NTN4: variants seen among roughly 807,000 people sequenced by gnomAD.
NTN4 encodes the protein netrin-4.
Under a neutral mutation model 73.6 loss-of-function variants are expected in NTN4, and 32 were observed. The ratio of observed to expected loss-of-function variants is 0.44; its 90% CI spans 0.33 to 0.58. The LOEUF (loss-of-function observed/expected upper bound fraction) is 0.58, where lower values mean the gene tolerates loss of function less well. NTN4 is among the 20% of genes least tolerant of loss of function. The pLI, the probability that NTN4 is intolerant of heterozygous loss-of-function variation, is 0.04. For synonymous variants in NTN4, 258 were observed against 287.5 expected, an observed-to-expected ratio of 0.90 and a Z score of 1.04; for missense variants, 654 against 798.3, an observed-to-expected ratio of 0.82 and a Z score of 2.18.
At chr12:95,707,983 T>C (rs1380643656) in intron 5 of NTN4, among the ~76,000 whole-genome samples, 1 of 152,184 alleles carries the variant, frequency 6.6e-6, no homozygotes, top group Non-Finnish European at 1.5e-5. Context: ...TATATATATC[T>C]ATTCATTTAA....
chr12:95,781,365 G>C lies in NTN4; in HGVS notation c.585+5574C>G, dbSNP rs1431274845. 6.6e-6 allele frequency among the ~76,000 whole-genome samples: 1 copy of C among 152,094 alleles called. No homozygotes were observed. Among genetic ancestry groups the C allele is most frequent in the Non-Finnish European group, 1.5e-5 (1 of 68,006 alleles). ...AATGTGACCCTTAATTATAGGTTTT[G>C]TTCACTCATGAAAACTTGCCAGGAA... On this transcript the variant is annotated intron_variant, in intron 2 of 9. Coordinates refer to ENST00000343702, the MANE Select transcript of NTN4 (RefSeq NM_021229.4). This position sits in a 1 kb window ranked among gnomAD's most constrained non-coding sequence, Gnocchi z 4.1.
At chr12:95,710,342 C>A in intron 5 of NTN4, 99 bp downstream of exon 5, 1 of 948,036 alleles carries the variant, frequency 1.1e-6, no homozygotes, top group South Asian at 2.0e-5. Context: ...TATCTCAGAA[C>A]CTCAATGACC....
chr12:95,760,520 G>A (rs6538671), intron 2 of NTN4, among the ~76,000 whole-genome samples: 121,801 of 151,964 alleles, frequency 0.8, 49,207 homozygotes, highest in South Asian at 0.9. Context: ...TCCTCAACTT[G>A]GTGGGCCCAC....
At chr12:95,739,104 A>G (rs906064384) in intron 2 of NTN4, among the ~76,000 whole-genome samples, 2 of 152,250 alleles carry the variant, frequency 1.3e-5, no homozygotes, top group African/African-American at 4.8e-5. Flanking sequence ...GTAGGCGGTC[A>G]CGTATGTATC....
At chr12:95,763,840 G>A (rs2079004159) in intron 2 of NTN4, among the ~76,000 whole-genome samples, 1 of 152,210 alleles carries the variant, frequency 6.6e-6, no homozygotes, top group Admixed American at 6.5e-5. Flanking sequence ...AGCTGACTGA[G>A]TGGAGACAGT....
intron 3 of NTN4, among the ~76,000 whole-genome samples, chr12:95,720,856 A>G (rs779350460): frequency 6.6e-6 from 1 of 152,232 alleles, no homozygotes; most frequent in Non-Finnish European, 1.5e-5. Flanking sequence ...AATAGTAACT[A>G]ACACTGAGTA....
intron 2 of NTN4, among the ~76,000 whole-genome samples, chr12:95,739,419 A>G (rs1010943083): frequency 6.6e-6 from 1 of 152,252 alleles, no homozygotes; most frequent in Non-Finnish European, 1.5e-5. Flanking sequence ...AAGTGGTGGA[A>G]GGAAGCTTAT....
At chr12:95,723,504 G>A (rs1036241156) in intron 3 of NTN4, among the ~76,000 whole-genome samples, 5 of 151,992 alleles carry the variant, frequency 3.3e-5, no homozygotes, top group Admixed American at 2.6e-4. Context: ...GCATCTATTT[G>A]TAAATACATT....
intron 3 of NTN4, among the ~76,000 whole-genome samples, chr12:95,717,303 C>G (rs1384426465): frequency 1.3e-5 from 2 of 152,102 alleles, no homozygotes; most frequent in Admixed American, 6.6e-5. Context: ...TCTCAGGCCT[C>G]AGGAGTCCGC....
intron 7 of NTN4, chr12:95,670,625 G>A (rs1277580918): frequency 6.6e-6 from 1 of 152,422 alleles, no homozygotes; most frequent in Non-Finnish European, 1.5e-5. Context: ...AAGGCATGGT[G>A]CTTCGCACTT....
At chr12:95,790,962 C>T (rs1162461506), upstream of NTN4, 1 of 150,158 alleles carries the variant, frequency 6.7e-6, no homozygotes, top group Non-Finnish European at 1.5e-5. This position sits in a 1 kb window ranked among gnomAD's most constrained non-coding sequence, Gnocchi z 6.5. Flanking sequence ...GACCGACGCC[C>T]CCGACGCCCG....
At chr12:95,728,546 G>C (rs907061369) in intron 3 of NTN4, among the ~76,000 whole-genome samples, 5 of 152,172 alleles carry the variant, frequency 3.3e-5, no homozygotes, top group African/African-American at 4.8e-5. Flanking sequence ...TGAACTAAAA[G>C]ACAAATAGGC....
At chr12:95,678,778 CA>C (rs78863537) in intron 7 of NTN4, among the ~76,000 whole-genome samples, 8,313 of 149,464 alleles carry the variant, frequency 0.056, 423 homozygotes, top group East Asian at 0.28. Context: ...GCTCAAAATA[CA>C]AAAAAAAAGT....
chr12:95,745,177 T>G (rs2078853493), intron 2 of NTN4, among the ~76,000 whole-genome samples: 1 of 152,136 alleles, frequency 6.6e-6, no homozygotes. Context: ...ACTTCTTGGA[T>G]CCATGGATTT....
At chr12:95,786,509 A>AT (rs546262058) in intron 2 of NTN4, among the ~76,000 whole-genome samples, 6 of 151,670 alleles carry the variant, frequency 4.0e-5, no homozygotes, top group Non-Finnish European at 5.9e-5. Flanking sequence ...TGTCAAACAG[A>AT]TTTTTTTTTC....
At chr12:95,685,629 C>G (rs1326742679) in intron 5 of NTN4, among the ~76,000 whole-genome samples, 1 of 152,200 alleles carries the variant, frequency 6.6e-6, no homozygotes, top group East Asian at 1.9e-4. Flanking sequence ...GCTTTTTCCC[C>G]TTGGAAACTT....
In NTN4 at chr12:95,670,134, C is replaced by G; in HGVS notation, c.1523G>C (p.Cys508Ser). 1 of 1,589,888 alleles carries G rather than the reference C, an allele frequency of 6.3e-7. No homozygotes were observed. Among genetic ancestry groups the G allele is most frequent in the Non-Finnish European group, 8.6e-7 (1 of 1,164,242 alleles). Residue 508 changes from cysteine to serine, a missense_variant, in exon 8 of 10, where the codon TGT becomes TCT. Physicochemically the swap from Cys to Ser is moderately radical, Grantham distance 112. Transcript: ENST00000343702. ...SALLHSGKCE[C>S]KEQTLGNAKA... ...GGCATTTCCTAATGTCTGTTCCTTACATTCGCATTTACCTATGGAAAGTAA... is the reference window on the plus strand; with the variant it reads ...GGCATTTCCTAATGTCTGTTCCTTAGATTCGCATTTACCTATGGAAAGTAA...
intron 3 of NTN4, among the ~76,000 whole-genome samples, chr12:95,718,734 T>G (rs989715384): frequency 6.6e-6 from 1 of 152,178 alleles, no homozygotes; most frequent in Non-Finnish European, 1.5e-5. Context: ...AAATAAATAT[T>G]AATAGTCTCT....
chr12:95,684,246 G>C (rs1186153966), intron 5 of NTN4, among the ~76,000 whole-genome samples: 1 of 152,132 alleles, frequency 6.6e-6, no homozygotes, highest in Admixed American at 6.5e-5. Context: ...GAGGATTCAG[G>C]GGAGTATGGG....
Sources: gnomAD v4.1 joint callset for allele counts (sites outside exome capture counted in the v4.1 genomes callset) on GRCh38, gnomAD v4.1.1 for gene constraint, Gnocchi (gnomAD v3.1) non-coding constraint, MANE v1.5 for transcripts, NCBI Gene and HGNC (gene_info 2026-07-23, HGNC 2026-07-21) for gene names.